The following CTSC variants were observed in gnomAD, a reference collection of about 807,000 sequenced individuals.
CTSC encodes the protein cathepsin C.
CTSC carries 37 observed loss-of-function variants against 40.9 expected under a neutral mutation model. The observed-to-expected ratio is 0.91, with a 90% CI of 0.70 to 1.19. CTSC has a LOEUF of 1.19. Ranked by LOEUF, CTSC falls within the 50% of genes most tolerant of loss-of-function variation. The pLI, the probability that CTSC is intolerant of heterozygous loss-of-function variation, is 0.00. For missense variants in CTSC, 594 were observed against 567.3 expected (o/e 1.05, Z -0.48); for synonymous variants, 232 against 207.4 (o/e 1.12, Z -1.02).
At chr11:88,309,088 G>C (rs996380372) in intron 4 of CTSC, 75 bp downstream of exon 4, 88 of 1,349,554 alleles carry the variant, frequency 6.5e-5, no homozygotes, top group Middle Eastern at 1.8e-4. Flanking sequence ...GAGCAACACT[G>C]GTAGGACTGC....
intron 2 of CTSC, among the ~76,000 whole-genome samples, chr11:88,314,538 C>CT (rs1252733487): frequency 6.6e-6 from 1 of 151,962 alleles, no homozygotes; most frequent in Non-Finnish European, 1.5e-5. Context: ...ATGATATTCT[C>CT]TTTTTTTCAG....
intron 2 of CTSC, among the ~76,000 whole-genome samples, chr11:88,319,544 A>G (rs1937950602): frequency 1.3e-5 from 2 of 152,170 alleles, no homozygotes; most frequent in South Asian, 2.1e-4. Flanking sequence ...CATGAAAATT[A>G]TCAGTAACAG....
At position 88,337,496 on chromosome 11, in the gene CTSC, C is replaced by T; in HGVS notation, c.172+5G>A. The T allele has an allele frequency of 1.3e-6, 2 of 1,568,550 alleles. No individual in the cohort carries two copies. Among genetic ancestry groups the T allele is most frequent in the Admixed American group, 1.8e-5 (1 of 54,054 alleles). On this transcript the variant is annotated splice_donor_5th_base_variant and intron_variant, in intron 1 of 6. Transcript: ENST00000227266. ...ACCCGGAGGACTGCCGAGCCGGCGG[C>T]TTACCCATAACCGAGCAGTTGACAT...
chr11:88,320,398 T>C (rs1208484607), intron 2 of CTSC, among the ~76,000 whole-genome samples: 2 of 152,162 alleles, frequency 1.3e-5, no homozygotes, highest in Non-Finnish European at 2.9e-5. Flanking sequence ...ACTCATAAAC[T>C]CAAACCGTAA....
chr11:88,329,260 T>C (rs900044986), intron 2 of CTSC, among the ~76,000 whole-genome samples: 4 of 151,834 alleles, frequency 2.6e-5, no homozygotes, highest in Non-Finnish European at 4.4e-5. Flanking sequence ...GGCGGGCGGA[T>C]CACTTGGGGT....
chr11:88,301,852 CTT>C (rs1353438017), intron 4 of CTSC, among the ~76,000 whole-genome samples: 1 of 150,984 alleles, frequency 6.6e-6, no homozygotes, highest in Non-Finnish European at 1.5e-5. Context: ...AGAACCACAG[CTT>C]TAGACACATT....
At chr11:88,334,507 G>T (rs1938439717) in intron 2 of CTSC, among the ~76,000 whole-genome samples, 1 of 152,084 alleles carries the variant, frequency 6.6e-6, no homozygotes, top group African/African-American at 2.4e-5. Context: ...AATCATTTAG[G>T]CCTATCACTA....
intron 2 of CTSC, among the ~76,000 whole-genome samples, chr11:88,332,403 C>G (rs1379420467): frequency 6.6e-6 from 1 of 152,188 alleles, no homozygotes; most frequent in Non-Finnish European, 1.5e-5. Context: ...AGGAAATACC[C>G]TGATGCTTAT....
At position 88,294,606 on chromosome 11, in the gene CTSC, C is replaced by A. The variant is rs920064018; in HGVS notation, c.890-98G>T. Reference sequence around the variant, plus strand: ...TGCTCCATTATTCTTTGCATGTTACCCCTGAAAGTTGTTCTTAGCTTAAGC... The same window carrying A: ...TGCTCCATTATTCTTTGCATGTTACACCTGAAAGTTGTTCTTAGCTTAAGC... On this transcript the variant is annotated intron_variant, in intron 6 of 6. Transcript: ENST00000227266. The A allele has an allele frequency of 2.7e-4, 370 of 1,375,292 alleles. 4 individuals are homozygous for A. Among genetic ancestry groups the A allele is most frequent in the Non-Finnish European group, 1.0e-5 (10 of 986,116 alleles). The allele number at this position is 1,375,292 out of a possible 1,614,324, so 85.2% of individuals were successfully genotyped here.
chr11:88,320,955 CA>C, intron 2 of CTSC: 1 of 984,414 alleles, frequency 1.0e-6, no homozygotes, highest in South Asian at 4.7e-5. Context: ...GAGAGGAATA[CA>C]AACAGGCAAT....
intron 4 of CTSC, among the ~76,000 whole-genome samples, chr11:88,305,146 C>A (rs2134777348): frequency 6.6e-6 from 1 of 151,968 alleles, no homozygotes; most frequent in South Asian, 2.1e-4. Context: ...CCTCTATGGT[C>A]TAAAAAGGGG....
chr11:88,331,962 C>A (rs16913789), intron 2 of CTSC, among the ~76,000 whole-genome samples: 2,395 of 152,232 alleles, frequency 0.016, 74 homozygotes, highest in African/African-American at 0.053. Flanking sequence ...TCATAACATA[C>A]AAATACTCTG....
At chr11:88,336,295 C>A (rs1304029658) in intron 1 of CTSC, among the ~76,000 whole-genome samples, 1 of 147,338 alleles carries the variant, frequency 6.8e-6, no homozygotes, top group Non-Finnish European at 1.5e-5. Flanking sequence ...AATCCCAGTA[C>A]TTTGGGAGGC....
intron 4 of CTSC, among the ~76,000 whole-genome samples, chr11:88,303,505 A>C (rs1169056165): frequency 6.6e-6 from 1 of 152,238 alleles, no homozygotes; most frequent in Non-Finnish European, 1.5e-5. Context: ...TTAGTGGTTT[A>C]TTATAAAAGA....
rs1938182712 is a variant in CTSC, at chr11:88,326,249, T to C, written c.318+8688A>G. On this transcript the variant is annotated intron_variant, in intron 2 of 6. Coordinates refer to ENST00000227266, the MANE Select transcript of CTSC (RefSeq NM_001814.6). The stretch of plus-strand genomic sequence containing the variant: ...GGAGTGTTCAGGAGGGCAGCTGCCT[T>C]GGAGGTAGGTCACCAGGACTCCTTT... 5 of 1,518,558 alleles carry C rather than the reference T, an allele frequency of 3.3e-6. No homozygotes were observed. In the East Asian group the frequency reaches 1.2e-4, roughly 36 times the overall value. The allele number at this position is 1,518,558 out of a possible 1,614,324, so 94.1% of individuals were successfully genotyped here.
At chr11:88,306,113 A>G (rs1937628918) in intron 4 of CTSC, among the ~76,000 whole-genome samples, 1 of 152,260 alleles carries the variant, frequency 6.6e-6, no homozygotes, top group South Asian at 2.1e-4. Flanking sequence ...TTCACAGACA[A>G]GAAATTCTCT....
chr11:88,302,625 CAAAAAAAAA>C (rs139973958), intron 4 of CTSC, among the ~76,000 whole-genome samples: 2 of 80,052 alleles, frequency 2.5e-5, no homozygotes, highest in East Asian at 4.0e-4. Context: ...GACTCCGCCT[CAAAAAAAAA>C]AAAAAAAAAA....
chr11:88,300,112 T>C (rs1416574366), intron 5 of CTSC, among the ~76,000 whole-genome samples: 3 of 152,162 alleles, frequency 2.0e-5, no homozygotes. Context: ...TACGGGTTCA[T>C]GTAGTAATTA....
At chr11:88,328,164 C>T in intron 2 of CTSC, 1 of 1,613,670 alleles carries the variant, frequency 6.2e-7, no homozygotes, top group Non-Finnish European at 8.5e-7. Context: ...TTCCCAGCTG[C>T]ATGAACAAAT....
Sources: allele counts gnomAD v4.1 joint callset (sites outside exome capture counted in the v4.1 genomes callset), GRCh38; gene constraint gnomAD v4.1.1; transcripts MANE v1.5; gene names NCBI Gene and HGNC (gene_info 2026-07-23, HGNC 2026-07-21).